Variants in LPP observed in about 807,000 individuals in gnomAD.
The protein encoded by LPP is lipoma-preferred partner.
In LPP, 38 loss-of-function variants were observed where a neutral mutation model predicts 60.4. That is an observed-to-expected ratio of 0.63 (90% confidence interval 0.49 to 0.83). LPP has a LOEUF of 0.83. Ranked by LOEUF, LPP falls within the 40% of genes least tolerant of loss-of-function variation. The pLI is 0.00. For missense variants in LPP, 902 were observed against 783.6 expected, an observed-to-expected ratio of 1.15 and a Z score of -1.80; for synonymous variants, 328 against 290.8, an observed-to-expected ratio of 1.13 and a Z score of -1.30.
At position 188,887,687 on chromosome 3, in the gene LPP, C is replaced by G. The variant is rs1274946905; in HGVS notation, c.*13208C>G. ...GCAGCAAATTGAAACTAACATGGGACCATGCCATCCTTCTAGCATAATGGA... is the reference window on the plus strand; with the variant it reads ...GCAGCAAATTGAAACTAACATGGGAGCATGCCATCCTTCTAGCATAATGGA... On this transcript the variant is annotated 3_prime_UTR_variant, in exon 12 of 12. Coordinates refer to ENST00000617246, the MANE Select transcript of LPP (RefSeq NM_001375462.1). 4.7e-6 allele frequency: 1 copy of G among 213,046 alleles called. No individual in the cohort carries two copies. The highest frequency in any genetic ancestry group is 9.5e-6 in the Non-Finnish European group (1 of 105,290). The allele number at this position is 213,046 out of a possible 1,614,324, so 13.2% of individuals were successfully genotyped here.
intron 7 of LPP, 79 bp from the exon 8 acceptor site, chr3:188,708,188 A>G: frequency 1.3e-6 from 2 of 1,536,004 alleles, no homozygotes; most frequent in Non-Finnish European, 1.8e-6. Flanking sequence ...CTCCAGTGCA[A>G]TCGCTGCTTG....
At chr3:188,189,420 G>A (rs927488990) in intron 1 of LPP, among the ~76,000 whole-genome samples, 6 of 152,158 alleles carry the variant, frequency 3.9e-5, no homozygotes, top group East Asian at 1.9e-4. Flanking sequence ...GTGCGAGAGT[G>A]ATAGGCAGGC....
At chr3:188,682,300 A>T (rs1348990297) in intron 7 of LPP, among the ~76,000 whole-genome samples, 1 of 152,260 alleles carries the variant, frequency 6.6e-6, no homozygotes, top group Non-Finnish European at 1.5e-5. Context: ...GCAAGAAATT[A>T]CTGACTTTTC....
chr3:188,363,567 C>T (rs1770163556), intron 3 of LPP, among the ~76,000 whole-genome samples: 1 of 152,104 alleles, frequency 6.6e-6, no homozygotes. Flanking sequence ...CTCTTTACGT[C>T]TTTGGTCTCT....
intron 1 of LPP, among the ~76,000 whole-genome samples, chr3:188,175,010 A>T (rs557170823): frequency 1.3e-5 from 2 of 152,336 alleles, no homozygotes; most frequent in Admixed American, 6.5e-5. Flanking sequence ...CAAACAGTGA[A>T]CATTTGTTGG....
At chr3:188,312,455 T>TA (rs1475685825) in intron 2 of LPP, among the ~76,000 whole-genome samples, 19 of 152,222 alleles carry the variant, frequency 1.2e-4, no homozygotes, top group African/African-American at 3.9e-4. Context: ...CAGATTAAAA[T>TA]AAAAAGTTTT....
chr3:188,387,846 T>C (rs7628511), intron 3 of LPP, among the ~76,000 whole-genome samples: 1,534 of 152,262 alleles, frequency 0.01, 29 homozygotes, highest in African/African-American at 0.035. Flanking sequence ...ATTACAGGCA[T>C]GAGCCACCCT....
intron 7 of LPP, among the ~76,000 whole-genome samples, chr3:188,673,296 G>A (rs1435150504): frequency 7.4e-6 from 1 of 135,782 alleles, no homozygotes; most frequent in Non-Finnish European, 1.6e-5. Flanking sequence ...ATCATCTCAT[G>A]AATGACATAG....
chr3:188,558,791 T>C (rs1208853608), intron 6 of LPP, among the ~76,000 whole-genome samples: 1 of 152,094 alleles, frequency 6.6e-6, no homozygotes, highest in Non-Finnish European at 1.5e-5. Context: ...GATTTGCCAA[T>C]GGTCAAAAGA....
chr3:188,648,515 C>T (rs896996213), intron 7 of LPP, among the ~76,000 whole-genome samples: 6 of 152,174 alleles, frequency 3.9e-5, no homozygotes, highest in Non-Finnish European at 1.5e-5. Context: ...GCTGCACTCA[C>T]GTCGTATCCA....
chr3:188,413,765 A>G (rs948910679), intron 4 of LPP, among the ~76,000 whole-genome samples: 61 of 152,184 alleles, frequency 4.0e-4, no homozygotes, highest in African/African-American at 1.4e-3. Context: ...CAAAAGTGCC[A>G]AGATGCAGCC....
intron 8 of LPP, among the ~76,000 whole-genome samples, chr3:188,749,323 C>G (rs1727315806): frequency 6.6e-6 from 1 of 152,172 alleles, no homozygotes; most frequent in African/African-American, 2.4e-5. Flanking sequence ...CTCCTGACAG[C>G]TTGCTATGAC....
At chr3:188,388,196 G>A (rs1778831416) in intron 3 of LPP, among the ~76,000 whole-genome samples, 1 of 152,030 alleles carries the variant, frequency 6.6e-6, no homozygotes, top group African/African-American at 2.4e-5. Flanking sequence ...AAAGGTTCTA[G>A]AACATTTTTT....
At chr3:188,749,638 C>T (rs867309644) in intron 8 of LPP, among the ~76,000 whole-genome samples, 35 of 152,196 alleles carry the variant, frequency 2.3e-4, no homozygotes, top group African/African-American at 8.2e-4. Flanking sequence ...ACTCTGCTAC[C>T]TACTTCTCAA....
chr3:188,203,667 G>A (rs1330889925), intron 1 of LPP, among the ~76,000 whole-genome samples: 2 of 138,634 alleles, frequency 1.4e-5, no homozygotes, highest in Non-Finnish European at 3.0e-5. Context: ...TTTTTGTAGA[G>A]AGAAGATCTC....
rs77217754 is a variant in LPP at position 188,354,046 on chromosome 3, C to T, written c.-10+12327C>T. ...CCAGATTTTGTCTGATATTGATGTT[C>T]TGTAGGTTTTCTCAATATTTGCCAT... is the stretch of plus-strand genomic sequence containing the variant. On this transcript the variant is annotated intron_variant, in intron 3 of 11. Transcript: ENST00000617246. Among the ~76,000 whole-genome samples the T allele has an allele frequency of 6.3e-3, 962 of 151,614 alleles. 7 individuals are homozygous for T. Among genetic ancestry groups the T allele is most frequent in the Non-Finnish European group, 9.3e-3 (635 of 67,932 alleles).
chr3:188,436,065 T>C (rs889681690), intron 4 of LPP, among the ~76,000 whole-genome samples: 1 of 152,222 alleles, frequency 6.6e-6, no homozygotes, highest in African/African-American at 2.4e-5. Context: ...TAATATGGTG[T>C]TTTACATTCA....
chr3:188,804,483 G>T (rs957615614), intron 9 of LPP, among the ~76,000 whole-genome samples: 1 of 151,008 alleles, frequency 6.6e-6, no homozygotes. Flanking sequence ...GGATGATGAG[G>T]GTTGAAAAAA....
intron 1 of LPP, among the ~76,000 whole-genome samples, chr3:188,172,079 T>C (rs1340953057): frequency 1.3e-5 from 2 of 152,228 alleles, no homozygotes; most frequent in African/African-American, 4.8e-5. Flanking sequence ...GTTTGGTTCT[T>C]CTCCAGTAGA....
Sources: gnomAD v4.1 joint callset for allele counts (sites outside exome capture counted in the v4.1 genomes callset) on GRCh38, gnomAD v4.1.1 for gene constraint, MANE v1.5 for transcripts, NCBI Gene and HGNC (gene_info 2026-07-23, HGNC 2026-07-21) for gene names.